PRR36: variants seen among roughly 807,000 people sequenced by gnomAD.
The protein encoded by PRR36 is proline rich 36.
Under a neutral mutation model 58.6 loss-of-function variants are expected in PRR36, and 30 were observed. That is an observed-to-expected ratio of 0.51 (90% CI 0.38 to 0.69). The LOEUF is 0.69. Among genes scored for constraint, PRR36 ranks in the 30% least tolerant of loss-of-function variants. The pLI is 0.00. For missense variants in PRR36, 1,692 were observed against 1,805.6 expected, an observed-to-expected ratio of 0.94 and a Z score of 1.14; for synonymous variants, 771 against 829.3, an observed-to-expected ratio of 0.93 and a Z score of 1.21.
rs1980481370 is a variant in PRR36 at position 7,872,104 on chromosome 19, T to G, written c.1140A>C (p.Pro380=). The change falls in exon 5 of 6, where the codon CCA becomes CCC. Residue 380 remains proline, a synonymous_variant. Transcript: ENST00000618550. The surrounding 1 kb of genome is among the most constrained non-coding windows in gnomAD (Gnocchi z 6.1). ...GAGAGGGGAGGGTCTGCAGAGAAGGTGGAGCAGAGGGAGAAGGAGGGGCTA... is the reference window on the plus strand; with the variant it reads ...GAGAGGGGAGGGTCTGCAGAGAAGGGGGAGCAGAGGGAGAAGGAGGGGCTA... ...LPLAPPSPSA[P]PSLQTLPSPP... 1 of 1,513,260 alleles carries G rather than the reference T, an allele frequency of 6.6e-7. No individual in the cohort carries two copies. The highest frequency in any genetic ancestry group is 1.5e-5 in the African/African-American group (1 of 67,170). The allele number at this position is 1,513,260 out of a possible 1,614,324, so 93.7% of individuals were successfully genotyped here.
At position 7,871,587 on chromosome 19, in the gene PRR36, G is replaced by A; in HGVS notation, c.1657C>T (p.Leu553Phe). 1 of 1,535,872 alleles carries A rather than the reference G, an allele frequency of 6.5e-7. No individual in the cohort carries two copies. Among genetic ancestry groups the A allele is most frequent in the Non-Finnish European group, 8.7e-7 (1 of 1,146,856 alleles). ...GCCTGCAGAGGCGGTGAGGCCAAAAGAGAGGGAGAAACTAGAGGAGGATCC... is the reference window on the plus strand; with the variant it reads ...GCCTGCAGAGGCGGTGAGGCCAAAAAAGAGGGAGAAACTAGAGGAGGATCC... ...LQDPPLVSPS[L>F]LASPPLQAPP... Residue 553 changes from leucine (L) to phenylalanine (F), a missense_variant, in exon 5 of 6, where the codon CTT (leucine) becomes TTT (phenylalanine). Around this residue, in one of 5 missense-constraint regions of PRR36, gnomAD observed 975 missense variants for 955.2 expected, o/e 1.02. Coordinates refer to ENST00000618550, the MANE Select transcript of PRR36 (RefSeq NM_001190467.2).
At position 7,872,248 on chromosome 19, in the gene PRR36, A is replaced by C; in HGVS notation, c.996T>G (p.Pro332=). The change falls in exon 5 of 6, where the codon CCT becomes CCG. Residue 332 remains proline (P), a synonymous_variant. Transcript: ENST00000618550. This position sits in a 1 kb window ranked among gnomAD's most constrained non-coding sequence, Gnocchi z 6.1. ...NAATPLPATL[P]PSPPVTPPPP... ...GAGGGGGCGTTACCGGTGGAGAGGG[A>C]GGGAGCGTGGCTGGCAGGGGAGTGG... 2.1e-6 allele frequency: 3 copies of C among 1,455,338 alleles called. No homozygotes were observed. Among genetic ancestry groups the C allele is most frequent in the Non-Finnish European group, 2.7e-6 (3 of 1,110,200 alleles). The allele number at this position is 1,455,338 out of a possible 1,614,324, so 90.2% of individuals were successfully genotyped here. A position where few individuals can be genotyped will look rare whatever the true frequency, so the allele number is the denominator to read the frequency against.
rs1268414373 is a variant in PRR36, at chr19:7,871,636, AG to A, written c.1607del (p.Ser536PhefsTer3). On this transcript the variant is annotated frameshift_variant, in exon 5 of 6. Transcript: ENST00000618550. LOFTEE classifies it high-confidence loss of function. ...CCTGCAGAGAGACTGTGGTCAAAGGAGAGGGAGAGGCCTGCAGAGGCAATGT... is the reference window on the plus strand; with the variant it reads ...CCTGCAGAGAGACTGTGGTCAAAGGAAGGGAGAGGCCTGCAGAGGCAATGT... ...LATLPLQASP[S>X]PLTTVSLQDP... The A allele has an allele frequency of 6.5e-7, 1 of 1,535,662 alleles. No homozygotes were observed. Among genetic ancestry groups the A allele is most frequent in the Non-Finnish European group, 8.7e-7 (1 of 1,146,814 alleles).
rs1422635708 is a variant in PRR36 at position 7,873,244 on chromosome 19, G to A, written c.327C>T (p.Thr109=). Residue 109 remains threonine, a synonymous_variant, in exon 3 of 6, where the codon ACC becomes ACT. Coordinates refer to ENST00000618550, the MANE Select transcript of PRR36 (RefSeq NM_001190467.2). The surrounding 1 kb of genome is among the most constrained non-coding windows in gnomAD (Gnocchi z 5.0). The part of the protein sequence containing the change: ...RGERAPPAKN[T]SPGPVSSPGR... ...CTGGGCTAGAAACAGGGCCTGGGCT[G>A]GTGTTCTTGGCAGGAGGAGCTCTCT... 1 of 1,535,976 alleles carries A rather than the reference G, an allele frequency of 6.5e-7. No homozygotes were observed. The highest frequency in any genetic ancestry group is 8.7e-7 in the Non-Finnish European group (1 of 1,146,842).
rs1313717697 is a variant in PRR36, at chr19:7,871,520, G to C, written c.1724C>G (p.Pro575Arg). 1.4e-5 allele frequency: 21 copies of C among 1,535,450 alleles called. No homozygotes were observed. The East Asian group carries it at 5.1e-4, about 38-fold the overall frequency. ...PQAPPSMTTP[P>R]MQAPPSLQTI... ...CTGGAGAGAGGGCGGGGCCTGCATA[G>C]GGGGCGTAGTCATAGAAGGTGGGGC... is the stretch of plus-strand genomic sequence containing the variant. The change falls in exon 5 of 6, where the codon CCT (proline) becomes CGT (arginine). Residue 575 changes from proline to arginine, a missense_variant. Coordinates refer to ENST00000618550, the MANE Select transcript of PRR36 (RefSeq NM_001190467.2).
At position 7,872,356 on chromosome 19, in the gene PRR36, T is replaced by C. The variant is rs1277611680; in HGVS notation, c.888A>G (p.Leu296=). The C allele has an allele frequency of 1.6e-5, 23 of 1,451,318 alleles. No individual in the cohort carries two copies. The highest frequency in any genetic ancestry group is 2.0e-5 in the Non-Finnish European group (22 of 1,107,906). 89.9% of individuals were successfully genotyped at this position (1,451,318 alleles called of 1,614,324 possible). Residue 296 remains leucine (L), a synonymous_variant, in exon 5 of 6, where the codon CTA becomes CTG. Coordinates refer to ENST00000618550, the MANE Select transcript of PRR36 (RefSeq NM_001190467.2). This position sits in a 1 kb window ranked among gnomAD's most constrained non-coding sequence, Gnocchi z 6.1. The stretch of plus-strand genomic sequence containing the variant: ...CCAAAGGAGAGGAAGAAAGCGGTCC[T>C]AGTGCTGGGGCTGCGTCCTTCCTTG... ...TPPRKDAAPA[L]GPLSSSPLAT... is the part of the protein sequence containing the mutation.
Position 7,871,192 on chromosome 19 carries a change from G to A in PRR36, c.2052C>T (p.Thr684=). The A allele has an allele frequency of 6.5e-7, 1 of 1,534,646 alleles. No individual in the cohort carries two copies. Among genetic ancestry groups the A allele is most frequent in the Non-Finnish European group, 8.7e-7 (1 of 1,146,518 alleles). ...PAVSPLSSPL[T]IHPLQALSSL... ...AAGATAGCGCCTGCAGAGGGTGTAT[G>A]GTCAGGGGTGAGCTTAGGGGTGAGA... The change falls in exon 5 of 6, where the codon ACC becomes ACT. Residue 684 remains threonine (T), a synonymous_variant. Transcript: ENST00000618550.
At position 7,873,683 on chromosome 19, in the gene PRR36, T is replaced by C. The variant is rs1472042577; in HGVS notation, c.7A>G (p.Asn3Asp). 3 of 1,535,118 alleles carry C rather than the reference T, an allele frequency of 2.0e-6. No individual in the cohort carries two copies. Among genetic ancestry groups the C allele is most frequent in the Non-Finnish European group, 2.6e-6 (3 of 1,146,672 alleles). Residue 3 changes from asparagine to aspartate, a missense_variant, in exon 2 of 6, where the codon AAC (asparagine) becomes GAC (aspartate). Around this residue, in one of 5 missense-constraint regions of PRR36, gnomAD observed 975 missense variants for 955.2 expected, o/e 1.02. Coordinates refer to ENST00000618550, the MANE Select transcript of PRR36 (RefSeq NM_001190467.2). This position sits in a 1 kb window ranked among gnomAD's most constrained non-coding sequence, Gnocchi z 5.0. Reference sequence around the variant, plus strand: ...CCTGCCTTCGCCTTGTCTCTCTTGTTGTCCATCTTGCACCTGAAGAGACAA... The same window carrying C: ...CCTGCCTTCGCCTTGTCTCTCTTGTCGTCCATCTTGCACCTGAAGAGACAA... Reference protein sequence around the residue: MDNKRDKAKAGAA... With the variant: MDDKRDKAKAGAA...
In PRR36 at chr19:7,869,946, G is replaced by T; in HGVS notation, c.3298C>A (p.Pro1100Thr). ...CGCGAGGGCGGCGGCGGCGGGCCGGGGGCCAACGCCAGGGTCAGCCGTGGG... is the reference window on the plus strand; with the variant it reads ...CGCGAGGGCGGCGGCGGCGGGCCGGTGGCCAACGCCAGGGTCAGCCGTGGG... Reference protein sequence around the residue: ...SGPRLTLALAPGPPPPPSRSP... With the variant: ...SGPRLTLALATGPPPPPSRSP... Residue 1100 changes from proline (P) to threonine (T), a missense_variant, in exon 5 of 6, where the codon CCC becomes ACC. This residue lies in a region of PRR36 where 485 missense variants were observed against 549.2 expected (regional missense o/e 0.88). Coordinates refer to ENST00000618550, the MANE Select transcript of PRR36 (RefSeq NM_001190467.2). 7.3e-7 allele frequency: 1 copy of T among 1,371,856 alleles called. No homozygotes were observed. The allele number at this position is 1,371,856 out of a possible 1,614,324, so 85.0% of individuals were successfully genotyped here. A position where few individuals can be genotyped will look rare whatever the true frequency, so the allele number is the denominator to read the frequency against.
In PRR36 at chr19:7,871,332, C is replaced by T. The variant is rs1250328194; in HGVS notation, c.1912G>A (p.Ala638Thr). The change falls in exon 5 of 6, where the codon GCT becomes ACT. Residue 638 changes from alanine (A) to threonine (T), a missense_variant. Ala to Thr is a moderately conservative substitution (Grantham distance 58). This residue lies in a region of PRR36 where 975 missense variants were observed against 955.2 expected (regional missense o/e 1.02). Coordinates refer to ENST00000618550, the MANE Select transcript of PRR36 (RefSeq NM_001190467.2). ...GGCCGAGAAGGTGAGATCAAAGAAG[C>T]TTGGGTTTGCCTAGGGGACATTGTC... ...FLTMSPRQTQASLISPSRPAS... is the reference protein window; with the variant it reads ...FLTMSPRQTQTSLISPSRPAS... The T allele has an allele frequency of 4.6e-6, 7 of 1,528,898 alleles. No homozygotes were observed. The East Asian group carries it at 9.9e-5, about 22-fold the overall frequency. The allele number at this position is 1,528,898 out of a possible 1,614,324, so 94.7% of individuals were successfully genotyped here.
chr19:7,870,215 G>A lies in PRR36; in HGVS notation c.3029C>T (p.Ala1010Val), dbSNP rs1307975802. The change falls in exon 5 of 6, where the codon GCC (alanine) becomes GTC (valine). Residue 1010 changes from alanine (A) to valine (V), a missense_variant. Ala to Val is a moderately conservative substitution (Grantham distance 64, BLOSUM62 0). Around this residue, in one of 5 missense-constraint regions of PRR36, gnomAD observed 485 missense variants for 549.2 expected, o/e 0.88. Transcript: ENST00000618550. ...AGGAGGTGTGGCCAGAGCAGGTGGG[G>A]CCTGTGGAGGGGGCTTAGCCAAAGG... is the stretch of plus-strand genomic sequence containing the variant. Reference protein sequence around the residue: ...MSPLAKPPPQAPPALATPPLQ... With the variant: ...MSPLAKPPPQVPPALATPPLQ... 15 of 1,431,622 alleles carry A rather than the reference G, an allele frequency of 1.0e-5. No individual in the cohort carries two copies. The highest frequency in any genetic ancestry group is 1.4e-5 in the Non-Finnish European group (15 of 1,100,482). The allele number at this position is 1,431,622 out of a possible 1,614,324, so 88.7% of individuals were successfully genotyped here. A position where few individuals can be genotyped will look rare whatever the true frequency, so the allele number is the denominator to read the frequency against.
At position 7,872,313 on chromosome 19, in the gene PRR36, C is replaced by T; in HGVS notation, c.931G>A (p.Gly311Ser). The change falls in exon 5 of 6, where the codon GGT becomes AGT. Residue 311 changes from glycine (G) to serine (S), a missense_variant. This residue lies in a region of PRR36 where 975 missense variants were observed against 955.2 expected (regional missense o/e 1.02). Coordinates refer to ENST00000618550, the MANE Select transcript of PRR36 (RefSeq NM_001190467.2). This position sits in a 1 kb window ranked among gnomAD's most constrained non-coding sequence, Gnocchi z 6.1. Reference protein sequence around the residue: ...SSPLATPSPSGTKARPVPPPD... With the variant: ...SSPLATPSPSSTKARPVPPPD... Reference sequence around the variant, plus strand: ...GGCGGTACGGGTCTTGCCTTGGTACCCGATGGAGAGGGTGTGGCCAAAGGA... The same window carrying T: ...GGCGGTACGGGTCTTGCCTTGGTACTCGATGGAGAGGGTGTGGCCAAAGGA... 6.9e-7 allele frequency: 1 copy of T among 1,454,294 alleles called. No homozygotes were observed. Among genetic ancestry groups the T allele is most frequent in the East Asian group, 2.5e-5 (1 of 40,332 alleles). The allele number at this position is 1,454,294 out of a possible 1,614,324, so 90.1% of individuals were successfully genotyped here.
Position 7,873,374 on chromosome 19 carries a change from G to A in PRR36, c.271+45C>T. On this transcript the variant is annotated intron_variant, in intron 2 of 5. Transcript: ENST00000618550. The surrounding 1 kb of genome is among the most constrained non-coding windows in gnomAD (Gnocchi z 5.0). ...GGTGAGACTGGACAGGTATTGGAAG[G>A]GGGAGGGAAGATGGGGGCGGAGCTG... is the stretch of plus-strand genomic sequence containing the variant. The A allele has an allele frequency of 3.3e-6, 5 of 1,517,254 alleles. No homozygotes were observed. The highest frequency in any genetic ancestry group is 3.5e-6 in the Non-Finnish European group (4 of 1,135,316). 94.0% of individuals were successfully genotyped at this position (1,517,254 alleles called of 1,614,324 possible). A position where few individuals can be genotyped will look rare whatever the true frequency, so the allele number is the denominator to read the frequency against.
chr19:7,870,865 T>C lies in PRR36; in HGVS notation c.2379A>G (p.Ala793=). ...PPCPAPCPLQ[A]PPSPLTTPPP... is the part of the protein sequence containing the mutation. The stretch of plus-strand genomic sequence containing the variant: ...GGGGCGTGGTCAATGGCGAAGGTGG[T>C]GCTTGCAGAGGGCATGGGGCTGGAC... Residue 793 remains alanine (A), a synonymous_variant, in exon 5 of 6, where the codon GCA becomes GCG. Coordinates refer to ENST00000618550, the MANE Select transcript of PRR36 (RefSeq NM_001190467.2). The C allele has an allele frequency of 1.4e-6, 2 of 1,444,476 alleles. No individual in the cohort carries two copies. The highest frequency in any genetic ancestry group is 1.8e-6 in the Non-Finnish European group (2 of 1,105,950). 89.5% of individuals were successfully genotyped at this position (1,444,476 alleles called of 1,614,324 possible).
chr19:7,870,293 G>T lies in PRR36; in HGVS notation c.2951C>A (p.Ala984Asp). ...GGGCGGGACCTGCAGAGGAGGAGCGGCAAGAAGGGGTGGGACCCGTGGAGG... is the reference window on the plus strand; with the variant it reads ...GGGCGGGACCTGCAGAGGAGGAGCGTCAAGAAGGGGTGGGACCCGTGGAGG... ...TPPPRVPPLL[A>D]APPLQVPPSP... The change falls in exon 5 of 6, where the codon GCC becomes GAC. Residue 984 changes from alanine (A) to aspartate (D), a missense_variant. Ala to Asp is a moderately radical substitution (Grantham distance 126). Around this residue, in one of 5 missense-constraint regions of PRR36, gnomAD observed 485 missense variants for 549.2 expected, o/e 0.88. Coordinates refer to ENST00000618550, the MANE Select transcript of PRR36 (RefSeq NM_001190467.2). The T allele has an allele frequency of 8.0e-7, 1 of 1,251,576 alleles. No individual in the cohort carries two copies. Among genetic ancestry groups the T allele is most frequent in the Non-Finnish European group, 1.0e-6 (1 of 1,000,604 alleles). The allele number at this position is 1,251,576 out of a possible 1,614,324, so 77.5% of individuals were successfully genotyped here.
Position 7,869,826 on chromosome 19 carries a change from G to C in PRR36, c.3418C>G (p.Pro1140Ala). The change falls in exon 5 of 6, where the codon CCC becomes GCC. Residue 1140 changes from proline (P) to alanine (A), a missense_variant. By Grantham distance (27) the Pro-to-Ala change is conservative. Coordinates refer to ENST00000618550, the MANE Select transcript of PRR36 (RefSeq NM_001190467.2). ...GGGGAGGCTGCGGCACCGCCCTCGG[G>C]CCCGCTGTCGTAGCCACGCAGCTCC... ...PEELRGYDSG[P>A]EGGAAASPPP... 2 of 1,350,788 alleles carry C rather than the reference G, an allele frequency of 1.5e-6. No individual in the cohort carries two copies. The highest frequency in any genetic ancestry group is 1.9e-6 in the Non-Finnish European group (2 of 1,058,276). 83.7% of individuals were successfully genotyped at this position (1,350,788 alleles called of 1,614,324 possible).
In PRR36 at chr19:7,873,241, G is replaced by T. The variant is rs1168173657; in HGVS notation, c.330C>A (p.Ser110Arg). The change falls in exon 3 of 6, where the codon AGC becomes AGA. Residue 110 changes from serine (S) to arginine (R), a missense_variant. Transcript: ENST00000618550. The surrounding 1 kb of genome is among the most constrained non-coding windows in gnomAD (Gnocchi z 5.0). Reference protein sequence around the residue: ...GERAPPAKNTSPGPVSSPGRA... With the variant: ...GERAPPAKNTRPGPVSSPGRA... ...GCCCTGGGCTAGAAACAGGGCCTGG[G>T]CTGGTGTTCTTGGCAGGAGGAGCTC... 1.3e-6 allele frequency: 2 copies of T among 1,536,060 alleles called. No homozygotes were observed. Among genetic ancestry groups the T allele is most frequent in the Non-Finnish European group, 1.7e-6 (2 of 1,146,856 alleles).
chr19:7,869,016 CG>C lies in PRR36; in HGVS notation c.*16del, dbSNP rs1186648990. ...TAAGGCAGGGGTGGGGTGTAGCAGG[CG>C]GGGCTGTGGTCTGGCTCAGTGGAAG... is the stretch of plus-strand genomic sequence containing the variant. On this transcript the variant is annotated 3_prime_UTR_variant, in exon 6 of 6. Transcript: ENST00000618550. 20 of 1,490,464 alleles carry C rather than the reference CG, an allele frequency of 1.3e-5. No homozygotes were observed. In the African/African-American group the frequency reaches 2.7e-4, roughly 20 times the overall value. The allele number at this position is 1,490,464 out of a possible 1,614,324, so 92.3% of individuals were successfully genotyped here. A position where few individuals can be genotyped will look rare whatever the true frequency, so the allele number is the denominator to read the frequency against.
chr19:7,871,551 G>T lies in PRR36; in HGVS notation c.1693C>A (p.Pro565Thr). 1 of 1,535,584 alleles carries T rather than the reference G, an allele frequency of 6.5e-7. No homozygotes were observed. The highest frequency in any genetic ancestry group is 8.7e-7 in the Non-Finnish European group (1 of 1,146,782). Reference sequence around the variant, plus strand: ...GTAGTCATAGAAGGTGGGGCCTGTGGGTGGGGCGGAGCCTGCAGAGGCGGT... The same window carrying T: ...GTAGTCATAGAAGGTGGGGCCTGTGTGTGGGGCGGAGCCTGCAGAGGCGGT... ...ASPPLQAPPH[P>T]QAPPSMTTPP... Residue 565 changes from proline to threonine, a missense_variant, in exon 5 of 6, where the codon CCA becomes ACA. Pro to Thr is a conservative substitution (Grantham distance 38, BLOSUM62 -1). This residue lies in a region of PRR36 where 975 missense variants were observed against 955.2 expected (regional missense o/e 1.02). Coordinates refer to ENST00000618550, the MANE Select transcript of PRR36 (RefSeq NM_001190467.2).
Sources: allele counts gnomAD v4.1 joint callset, GRCh38; gene constraint gnomAD v4.1.1; regional missense constraint gnomAD v4.1.1; non-coding constraint Gnocchi (gnomAD v3.1); transcripts MANE v1.5; gene names NCBI Gene and HGNC (gene_info 2026-07-23, HGNC 2026-07-21).